WLS: variants seen among roughly 807,000 people sequenced by gnomAD.
The protein encoded by WLS is protein wntless homolog.
WLS carries 23 observed loss-of-function variants against 62.8 expected under a neutral mutation model. That is an observed-to-expected ratio of 0.37 (90% confidence interval 0.26 to 0.52). WLS has a LOEUF of 0.52. Ranked by LOEUF, WLS falls within the 20% of genes least tolerant of loss-of-function variation. The probability of loss-of-function intolerance (pLI) is 0.92; values close to 1 mark genes in which losing one functional copy is unlikely to be tolerated. For synonymous variants in WLS, 246 were observed against 244.1 expected (o/e 1.01, Z -0.07); for missense variants, 615 against 697.3 (o/e 0.88, Z 1.33).
chr1:68,194,112 G>A lies in WLS; in HGVS notation c.222C>T (p.Ile74=). The change falls in exon 2 of 12, where the codon ATC becomes ATT. Residue 74 remains isoleucine, a synonymous_variant. Coordinates refer to ENST00000262348, the MANE Select transcript of WLS (RefSeq NM_024911.7). Reference sequence around the variant, plus strand: ...TTGGAATTGCCTCTTCAATGTCTCGGATCTTGTCACAATGATTGGGTCCCC... The same window carrying A: ...TTGGAATTGCCTCTTCAATGTCTCGAATCTTGTCACAATGATTGGGTCCCC... ...VPWGPNHCDK[I]RDIEEAIPRE... 6.2e-7 allele frequency: 1 copy of A among 1,614,134 alleles called. No homozygotes were observed. The highest frequency in any genetic ancestry group is 8.5e-7 in the Non-Finnish European group (1 of 1,180,030).
At chr1:68,151,792 C>A (rs902039630) in intron 5 of WLS, among the ~76,000 whole-genome samples, 6 of 151,976 alleles carry the variant, frequency 3.9e-5, no homozygotes, top group Non-Finnish European at 8.8e-5. Context: ...CATCAAGGGG[C>A]TTATAGGTCA....
intron 11 of WLS, among the ~76,000 whole-genome samples, chr1:68,118,734 G>T (rs1646325923): frequency 6.6e-6 from 1 of 151,764 alleles, no homozygotes; most frequent in Admixed American, 6.6e-5. Flanking sequence ...AATTAGCTGG[G>T]CGTGGTGGCA....
intron 1 of WLS, among the ~76,000 whole-genome samples, chr1:68,224,778 G>C (rs1037466216): frequency 2.0e-5 from 3 of 151,962 alleles, no homozygotes; most frequent in African/African-American, 2.4e-5. Context: ...ACGAAAAGGT[G>C]GGGGGGATTG....
downstream of WLS, chr1:68,125,262 A>AT (rs1646412149): frequency 1.1e-6 from 1 of 925,148 alleles, no homozygotes; most frequent in African/African-American, 1.8e-5. Context: ...AAACACTTTG[A>AT]TTTGATGATA....
intron 11 of WLS, among the ~76,000 whole-genome samples, chr1:68,130,886 CTTCTT>C (rs1302716176): frequency 1.8e-5 from 2 of 111,972 alleles, no homozygotes; most frequent in East Asian, 2.9e-4. Flanking sequence ...TAGGTTTCTT[CTTCTT>C]TTTTTTTTTT....
intron 1 of WLS, among the ~76,000 whole-genome samples, chr1:68,203,555 T>C (rs1649139318): frequency 6.6e-6 from 1 of 152,068 alleles, no homozygotes; most frequent in Non-Finnish European, 1.5e-5. Flanking sequence ...AATGATGGAG[T>C]AATAGGCTCA....
intron 1 of WLS, 54 bp downstream of exon 1, chr1:68,232,140 G>C: frequency 1.2e-6 from 2 of 1,610,914 alleles, no homozygotes; most frequent in Admixed American, 3.4e-5. Flanking sequence ...GGCAAAGAGG[G>C]AAGGGGCCCG....
intron 1 of WLS, among the ~76,000 whole-genome samples, chr1:68,197,468 A>C (rs183503995): frequency 6.6e-6 from 1 of 152,172 alleles, no homozygotes; most frequent in African/African-American, 2.4e-5. Context: ...TGCTTTCCAT[A>C]ACTTCAAAAC....
At chr1:68,231,910 G>C (rs1293631487) in intron 1 of WLS, 1 of 465,288 alleles carries the variant, frequency 2.1e-6, no homozygotes, top group South Asian at 1.7e-5. Flanking sequence ...TTCCTCGCGC[G>C]ATCCGTCGCC....
At chr1:68,162,104 A>T in intron 2 of WLS, 3 of 1,562,260 alleles carry the variant, frequency 1.9e-6, no homozygotes, top group Non-Finnish European at 2.6e-6. Flanking sequence ...ATCTCCAGTG[A>T]CGCCTGCTTG....
intron 3 of WLS, among the ~76,000 whole-genome samples, chr1:68,155,834 G>C (rs1646889974): frequency 6.6e-6 from 1 of 152,164 alleles, no homozygotes; most frequent in African/African-American, 2.4e-5. Flanking sequence ...GGTATTTAGG[G>C]AAGGTCGAAA....
At chr1:68,209,434 T>A (rs1649418188) in intron 1 of WLS, among the ~76,000 whole-genome samples, 1 of 152,242 alleles carries the variant, frequency 6.6e-6, no homozygotes, top group Admixed American at 6.5e-5. Flanking sequence ...ATATTTTTTA[T>A]GTGCTAGGCA....
chr1:68,101,012 C>T (rs570152147), intron 11 of WLS, among the ~76,000 whole-genome samples: 96 of 152,244 alleles, frequency 6.3e-4, no homozygotes, highest in Non-Finnish European at 1.0e-3. Flanking sequence ...GTGGCCAAAC[C>T]GTTCAGCATA....
intron 10 of WLS, among the ~76,000 whole-genome samples, chr1:68,140,947 A>AG (rs1359852608): frequency 6.6e-6 from 1 of 151,468 alleles, no homozygotes; most frequent in Non-Finnish European, 1.5e-5. Flanking sequence ...TAACTTTGAG[A>AG]GAAAAATCAG....
At chr1:68,115,288 C>T (rs1646276654) in intron 11 of WLS, among the ~76,000 whole-genome samples, 1 of 152,222 alleles carries the variant, frequency 6.6e-6, no homozygotes, top group African/African-American at 2.4e-5. Context: ...TGCACCAACA[C>T]ACATGCCTAG....
chr1:68,229,639 G>A (rs1185083867), intron 1 of WLS, among the ~76,000 whole-genome samples: 2 of 152,152 alleles, frequency 1.3e-5, no homozygotes, highest in East Asian at 3.9e-4. Context: ...GAAGTTTGGT[G>A]GGAAAATTTT....
At chr1:68,231,078 C>G (rs545591462) in intron 1 of WLS, among the ~76,000 whole-genome samples, 43 of 152,206 alleles carry the variant, frequency 2.8e-4, no homozygotes, top group Admixed American at 9.8e-4. Flanking sequence ...CCGTCCGCGC[C>G]CGCTGCAAAG....
chr1:68,224,957 A>G (rs927577419), intron 1 of WLS, among the ~76,000 whole-genome samples: 2 of 152,146 alleles, frequency 1.3e-5, no homozygotes, highest in African/African-American at 2.4e-5. Flanking sequence ...CTCATTTACT[A>G]TCTCTGCACT....
chr1:68,148,296 T>C, intron 7 of WLS, 97 bp from the exon 8 acceptor site: 2 of 1,304,864 alleles, frequency 1.5e-6, no homozygotes, highest in Non-Finnish European at 2.2e-6. Flanking sequence ...GCTGCAGGGG[T>C]GAGGGCTGTA....
Sources: allele counts gnomAD v4.1 joint callset (sites outside exome capture counted in the v4.1 genomes callset), GRCh38; gene constraint gnomAD v4.1.1; transcripts MANE v1.5; gene names NCBI Gene and HGNC (gene_info 2026-07-23, HGNC 2026-07-21).